MYT1: variants seen among roughly 807,000 people sequenced by gnomAD.
MYT1 encodes the protein myelin transcription factor 1, also known as myelin transcription factor I.
In MYT1, 23 loss-of-function variants were observed where a neutral mutation model predicts 123.0. That is an observed-to-expected ratio of 0.19 (90% CI 0.13 to 0.26). MYT1 has a LOEUF of 0.26. Ranked by LOEUF, MYT1 falls within the 10% of genes least tolerant of loss-of-function variation. The pLI, the probability that MYT1 is intolerant of heterozygous loss-of-function variation, is 1.00. For synonymous variants in MYT1, 518 were observed against 575.3 expected, an observed-to-expected ratio of 0.90 and a Z score of 1.43; for missense variants, 1,125 against 1,472.5, an observed-to-expected ratio of 0.76 and a Z score of 3.86.
chr20:64,213,763 G>GTACACTCACA lies in MYT1; in HGVS notation c.1631+117_1631+118insACACTCACAT. 1 of 818,810 alleles carries GTACACTCACA rather than the reference G, an allele frequency of 1.2e-6. No homozygotes were observed. The highest frequency in any genetic ancestry group is 2.0e-6 in the Non-Finnish European group (1 of 503,132). 50.7% of individuals were successfully genotyped at this position (818,810 alleles called of 1,614,324 possible). A position where few individuals can be genotyped will look rare whatever the true frequency, so the allele number is the denominator to read the frequency against. On this transcript the variant is annotated intron_variant, in intron 10 of 22. Coordinates refer to ENST00000328439, the MANE Select transcript of MYT1 (RefSeq NM_004535.3). This position sits in a 1 kb window ranked among gnomAD's most constrained non-coding sequence, Gnocchi z 5.6. ...TGTGAGTGCATGTGTGTGAGTGTAC[G>GTACACTCACA]TGCATGTGAGTGTACGTGCATGTGA...
intron 19 of MYT1, among the ~76,000 whole-genome samples, chr20:64,234,474 G>T (rs1329033029): frequency 1.3e-5 from 2 of 152,218 alleles, no homozygotes; most frequent in Non-Finnish European, 2.9e-5. Flanking sequence ...CCCAGCCTCT[G>T]CCCTGCCTAG....
Position 64,191,945 on chromosome 20 carries a change from G to A in MYT1, c.-1+1785G>A, listed in dbSNP as rs762543392. 1 of 152,112 alleles carries A rather than the reference G, an allele frequency of 6.6e-6. No homozygotes were observed. Among genetic ancestry groups the A allele is most frequent in the Admixed American group, 6.6e-5 (1 of 15,264 alleles). 9.4% of individuals were successfully genotyped at this position (152,112 alleles called of 1,614,324 possible). On this transcript the variant is annotated intron_variant, in intron 2 of 22. Transcript: ENST00000328439. The surrounding 1 kb of genome is among the most constrained non-coding windows in gnomAD (Gnocchi z 4.1). The stretch of plus-strand genomic sequence containing the variant: ...CCCAGATCCTGAGGATTCACATAGC[G>A]CTGTACTGGCATGAGATCATGTGAG...
intron 19 of MYT1, among the ~76,000 whole-genome samples, chr20:64,235,607 C>G (rs1984495366): frequency 6.9e-6 from 1 of 144,022 alleles, no homozygotes; most frequent in African/African-American, 2.6e-5. Flanking sequence ...GTGGGTGACC[C>G]CGAGCTGGCT....
At position 64,196,646 on chromosome 20, in the gene MYT1, G is replaced by A. The variant is rs983990453; in HGVS notation, c.1-2216G>A. ...CTACACGCTCCTAAGAGAACTTCTC[G>A]CTTATTGACCAGTCAATGCAGATAA... On this transcript the variant is annotated intron_variant, in intron 2 of 22. Coordinates refer to ENST00000328439, the MANE Select transcript of MYT1 (RefSeq NM_004535.3). This position sits in a 1 kb window ranked among gnomAD's most constrained non-coding sequence, Gnocchi z 4.3. Among the ~76,000 whole-genome samples, 35 of 152,084 alleles carry A rather than the reference G, an allele frequency of 2.3e-4. No individual in the cohort carries two copies. Among genetic ancestry groups the A allele is most frequent in the African/African-American group, 6.5e-4 (27 of 41,404 alleles).
chr20:64,228,343 G>A (rs1368131766), intron 18 of MYT1, among the ~76,000 whole-genome samples: 3 of 152,218 alleles, frequency 2.0e-5, no homozygotes, highest in African/African-American at 7.2e-5. Flanking sequence ...AAGGTGAGAT[G>A]CAGGAGTCAA....
In MYT1 at chr20:64,227,405, C is replaced by A. The variant is rs765248454; in HGVS notation, c.2529-10C>A. On this transcript the variant is annotated splice_polypyrimidine_tract_variant and intron_variant, in intron 16 of 22. Transcript: ENST00000328439. ...ACGGGCTCCCGTTCCAGTTCTGCTT[C>A]CCTCTGCAGGTGCCCCACGCCCGGC... is the stretch of plus-strand genomic sequence containing the variant. 2.5e-6 allele frequency: 4 copies of A among 1,612,314 alleles called. No individual in the cohort carries two copies. In the South Asian group the frequency reaches 4.4e-5, roughly 18 times the overall value.
In MYT1 at chr20:64,193,828, AT is replaced by A. The variant is rs1983031646; in HGVS notation, c.-1+3673del. ...CACTATAACCTATGTAATTTTATGG[AT>A]TTTTAAAGAATAGTTGTAAGTCCAT... On this transcript the variant is annotated intron_variant, in intron 2 of 22. Transcript: ENST00000328439. This position sits in a 1 kb window ranked among gnomAD's most constrained non-coding sequence, Gnocchi z 4.0. 6.6e-6 allele frequency among the ~76,000 whole-genome samples: 1 copy of A among 152,052 alleles called. No individual in the cohort carries two copies. The highest frequency in any genetic ancestry group is 1.5e-5 in the Non-Finnish European group (1 of 68,006).
At chr20:64,219,137 T>C in intron 12 of MYT1, 102 bp downstream of exon 12, 5 of 1,405,194 alleles carry the variant, frequency 3.6e-6, no homozygotes, top group Non-Finnish European at 4.8e-6. Context: ...AGGAATGGCT[T>C]GTGCCTAGCT....
rs745510916 is a variant in MYT1, at chr20:64,212,012, C to G, written c.1427-36C>G. 1 of 1,571,384 alleles carries G rather than the reference C, an allele frequency of 6.4e-7. No homozygotes were observed. The highest frequency in any genetic ancestry group is 1.1e-5 in the South Asian group (1 of 90,224). ...AGCTGGCGCTCCCCAGATTCTCTGA[C>G]AGCCTCGGCTCCCTCCACCCCCTGT... On this transcript the variant is annotated intron_variant, in intron 8 of 22. Coordinates refer to ENST00000328439, the MANE Select transcript of MYT1 (RefSeq NM_004535.3). This position sits in a 1 kb window ranked among gnomAD's most constrained non-coding sequence, Gnocchi z 6.8.
In MYT1 at chr20:64,185,669, G is replaced by T. The variant is rs547292116; in HGVS notation, c.-98-4394G>T. Among the ~76,000 whole-genome samples the T allele has an allele frequency of 5.3e-5, 8 of 152,316 alleles. No individual in the cohort carries two copies. The highest frequency in any genetic ancestry group is 1.9e-4 in the African/African-American group (8 of 41,570). Reference sequence around the variant, plus strand: ...GCACCATGGGGGCAGGTGGGCTCAGGCCAGATTCCAGGCTACCGAGCCAGC... The same window carrying T: ...GCACCATGGGGGCAGGTGGGCTCAGTCCAGATTCCAGGCTACCGAGCCAGC... On this transcript the variant is annotated intron_variant, in intron 1 of 22. Coordinates refer to ENST00000328439, the MANE Select transcript of MYT1 (RefSeq NM_004535.3). This position sits in a 1 kb window ranked among gnomAD's most constrained non-coding sequence, Gnocchi z 4.5.
At chr20:64,226,290 G>A (rs889648320) in intron 16 of MYT1, among the ~76,000 whole-genome samples, 2 of 152,268 alleles carry the variant, frequency 1.3e-5, no homozygotes, top group Non-Finnish European at 2.9e-5. Context: ...CAAGAGGTGG[G>A]GCCAGCCCTG....
At chr20:64,223,036 C>A (rs964535942) in intron 14 of MYT1, 75 bp from the exon 15 acceptor site, 1 of 1,561,602 alleles carries the variant, frequency 6.4e-7, no homozygotes, top group Non-Finnish European at 8.8e-7. Flanking sequence ...CACCAGTCTC[C>A]CTCGCAGAGC....
At chr20:64,200,038 C>T (rs1983246795) in intron 4 of MYT1, 116 bp downstream of exon 4, 1 of 1,252,988 alleles carries the variant, frequency 8.0e-7, no homozygotes, top group Non-Finnish European at 1.2e-6. Flanking sequence ...TGGTGAGCCC[C>T]TGCTTTCCCT....
At chr20:64,211,876 C>T (rs1391456822) in intron 8 of MYT1, among the ~76,000 whole-genome samples, 172 bp from the exon 9 acceptor site, 1 of 151,952 alleles carries the variant, frequency 6.6e-6, no homozygotes, top group African/African-American at 2.4e-5. Flanking sequence ...GTTGTGTCTG[C>T]AGGCTCTTGG....
Position 64,240,615 on chromosome 20 carries a change from G to A in MYT1, c.*167G>A. 2 of 899,240 alleles carry A rather than the reference G, an allele frequency of 2.2e-6. No individual in the cohort carries two copies. Among genetic ancestry groups the A allele is most frequent in the Non-Finnish European group, 3.2e-6 (2 of 618,430 alleles). 55.7% of individuals were successfully genotyped at this position (899,240 alleles called of 1,614,324 possible). ...GCTGGAAATTGGCCGCTCCCACGAG[G>A]CTCCCTCCAGGCTTGGGGCCGTGGT... is the stretch of plus-strand genomic sequence containing the variant. On this transcript the variant is annotated 3_prime_UTR_variant, in exon 23 of 23. Coordinates refer to ENST00000328439, the MANE Select transcript of MYT1 (RefSeq NM_004535.3).
intron 5 of MYT1, 52 bp downstream of exon 5, chr20:64,205,149 C>G: frequency 6.3e-7 from 1 of 1,584,522 alleles, no homozygotes; most frequent in Non-Finnish European, 8.7e-7. Context: ...GATTTGGAGC[C>G]CCTGCCCACT....
rs1425499135 is a variant in MYT1 at position 64,235,276 on chromosome 20, C to T, written c.2898-1279C>T. Among the ~76,000 whole-genome samples the T allele has an allele frequency of 4.7e-5, 4 of 85,170 alleles. 1 individual carries two copies. The highest frequency in any genetic ancestry group is 4.4e-5 in the Non-Finnish European group (2 of 45,896). The allele number at this position is 85,170 out of a possible 152,430, so 55.9% of individuals were successfully genotyped here. A position where few individuals can be genotyped will look rare whatever the true frequency, so the allele number is the denominator to read the frequency against. On this transcript the variant is annotated intron_variant, in intron 19 of 22. Transcript: ENST00000328439. The stretch of plus-strand genomic sequence containing the variant: ...CCCGGGATGGTCATGGTGTGTGACC[C>T]GGGGCTGGCCATGGTGGGTGACCCC...
chr20:64,216,408 A>T (rs1297385843), intron 10 of MYT1, among the ~76,000 whole-genome samples: 1 of 152,220 alleles, frequency 6.6e-6, no homozygotes, highest in Non-Finnish European at 1.5e-5. Context: ...TTCCAAGAGC[A>T]TTAGTGGCAG....
Position 64,237,446 on chromosome 20 carries a change from G to A in MYT1, c.3093+56G>A, listed in dbSNP as rs1237388881. 2.0e-5 allele frequency: 28 copies of A among 1,384,348 alleles called. No individual in the cohort carries two copies. The Middle Eastern group carries it at 6.7e-4, about 33-fold the overall frequency. The allele number at this position is 1,384,348 out of a possible 1,614,324, so 85.8% of individuals were successfully genotyped here. Reference sequence around the variant, plus strand: ...CTTTGCCCACCCAACCCAAACATTCGTCTTGGGGACAGTGAGGCATCCGTC... The same window carrying A: ...CTTTGCCCACCCAACCCAAACATTCATCTTGGGGACAGTGAGGCATCCGTC... On this transcript the variant is annotated intron_variant, in intron 21 of 22. Transcript: ENST00000328439.
Sources: gnomAD v4.1 joint callset for allele counts (sites outside exome capture counted in the v4.1 genomes callset) on GRCh38, gnomAD v4.1.1 for gene constraint, Gnocchi (gnomAD v3.1) non-coding constraint, MANE v1.5 for transcripts, NCBI Gene and HGNC (gene_info 2026-07-23, HGNC 2026-07-21) for gene names.